SLC7A6: variants seen among roughly 807,000 people sequenced by gnomAD.
SLC7A6 encodes the protein solute carrier family 7 member 6.
In SLC7A6, 29 loss-of-function variants were observed where a neutral mutation model predicts 46.6. The observed-to-expected ratio is 0.62, with a 90% CI of 0.46 to 0.85. The LOEUF (loss-of-function observed/expected upper bound fraction) is 0.85, where lower values mean the gene tolerates loss of function less well. SLC7A6 is among the 40% of genes least tolerant of loss of function. The pLI, the probability that SLC7A6 is intolerant of heterozygous loss-of-function variation, is 0.00. For missense variants in SLC7A6, 527 were observed against 647.6 expected, an observed-to-expected ratio of 0.81 and a Z score of 2.02; for synonymous variants, 276 against 257.3, an observed-to-expected ratio of 1.07 and a Z score of -0.70.
chr16:68,265,927 G>A (rs2042523970), intron 1 of SLC7A6, among the ~76,000 whole-genome samples: 1 of 152,088 alleles, frequency 6.6e-6, no homozygotes, highest in African/African-American at 2.4e-5. Context: ...TGACCTTTGT[G>A]CTTCCTGCTG....
At chr16:68,269,172 T>C (rs1401611337) in intron 2 of SLC7A6, among the ~76,000 whole-genome samples, 1 of 152,228 alleles carries the variant, frequency 6.6e-6, no homozygotes, top group Non-Finnish European at 1.5e-5. Flanking sequence ...CTGTTCAACT[T>C]TTTCAGTAGA....
At chr16:68,278,498 G>A (rs1315688460) in intron 3 of SLC7A6, among the ~76,000 whole-genome samples, 3 of 150,616 alleles carry the variant, frequency 2.0e-5, no homozygotes, top group African/African-American at 4.9e-5. Context: ...CTTGAGATTA[G>A]GGAGTGGTGA....
In SLC7A6 at chr16:68,287,451, C is replaced by T. The variant is rs568486767; in HGVS notation, c.524-295C>T. ...GTGGGAAAGAGTAGGTGAAATCACCCATCCCTGGGCCTGGGGGGAATTCCC... is the reference window on the plus strand; with the variant it reads ...GTGGGAAAGAGTAGGTGAAATCACCTATCCCTGGGCCTGGGGGGAATTCCC... On this transcript the variant is annotated intron_variant, in intron 3 of 10. Transcript: ENST00000219343. 4 of 1,335,006 alleles carry T rather than the reference C, an allele frequency of 3.0e-6. No homozygotes were observed. The African/African-American group carries it at 5.9e-5, about 20-fold the overall frequency. 82.7% of individuals were successfully genotyped at this position (1,335,006 alleles called of 1,614,324 possible).
intron 2 of SLC7A6, among the ~76,000 whole-genome samples, chr16:68,271,600 C>T (rs1278642546): frequency 2.0e-5 from 3 of 152,160 alleles, no homozygotes; most frequent in Non-Finnish European, 4.4e-5. Flanking sequence ...CCACTGTGCC[C>T]TGCCAAGGTG....
At chr16:68,287,236 C>T (rs2042954338) in intron 3 of SLC7A6, 2 of 1,042,536 alleles carry the variant, frequency 1.9e-6, no homozygotes, top group Admixed American at 5.8e-5. Context: ...CCTCAGTTTC[C>T]CAAAGTGCTG....
At chr16:68,269,083 G>A (rs2042582223) in intron 2 of SLC7A6, among the ~76,000 whole-genome samples, 2 of 151,772 alleles carry the variant, frequency 1.3e-5, no homozygotes, top group African/African-American at 4.8e-5. Context: ...TTGATGTTCT[G>A]TTCTATTTTT....
At chr16:68,277,553 C>T (rs1381729423) in intron 3 of SLC7A6, among the ~76,000 whole-genome samples, 6 of 151,752 alleles carry the variant, frequency 4.0e-5, no homozygotes, top group South Asian at 2.1e-4. Context: ...CCTCGTGATC[C>T]GCCCGCCTCG....
Position 68,300,028 on chromosome 16 carries a change from T to C in SLC7A6, c.*2700T>C, listed in dbSNP as rs2043241839. ...GAGGCGGCAAGAAGGTACCTCCCTG[T>C]GTAACTCACCTTCCCCCATGACAGT... On this transcript the variant is annotated 3_prime_UTR_variant, in exon 11 of 11. Transcript: ENST00000219343. 6.6e-6 allele frequency: 1 copy of C among 152,132 alleles called. No individual in the cohort carries two copies. The highest frequency in any genetic ancestry group is 1.5e-5 in the Non-Finnish European group (1 of 68,034). The allele number at this position is 152,132 out of a possible 1,614,324, so 9.4% of individuals were successfully genotyped here.
intron 3 of SLC7A6, among the ~76,000 whole-genome samples, chr16:68,284,991 C>T (rs2042901946): frequency 6.6e-6 from 1 of 151,936 alleles, no homozygotes; most frequent in Non-Finnish European, 1.5e-5. Flanking sequence ...CCACCTCAGC[C>T]TCCCACACAG....
chr16:68,296,556 T>G (rs755934664), intron 9 of SLC7A6, 43 bp downstream of exon 9: 2 of 1,613,814 alleles, frequency 1.2e-6, no homozygotes, highest in Non-Finnish European at 1.7e-6. Context: ...GCCATCTCCC[T>G]AAGGTGGCTT....
chr16:68,296,442 T>C lies in SLC7A6; in HGVS notation c.1198T>C (p.Phe400Leu). The C allele has an allele frequency of 6.2e-7, 1 of 1,614,172 alleles. No homozygotes were observed. Among genetic ancestry groups the C allele is most frequent in the Non-Finnish European group, 8.5e-7 (1 of 1,180,030 alleles). Residue 400 changes from phenylalanine to leucine, a missense_variant, in exon 9 of 11, where the codon TTC becomes CTC. By Grantham distance (22) the Phe-to-Leu change is conservative. Coordinates refer to ENST00000219343, the MANE Select transcript of SLC7A6 (RefSeq NM_003983.6). ...CTACTTCAGCTTCAGCTACTGGTTC[T>C]TCGTGGGCCTGTCTGTTGTTGGACA... ...INYFSFSYWF[F>L]VGLSVVGQLY...
Position 68,275,086 on chromosome 16 carries a change from G to C in SLC7A6, c.360G>C (p.Gly120=), listed in dbSNP as rs775366265. ...ACGCTTATATTCTAGAGGCCTTTGG[G>C]GGCTTCATTGCCTTCATCCGCCTGT... is the stretch of plus-strand genomic sequence containing the variant. ...ASYAYILEAF[G]GFIAFIRLWV... Residue 120 remains glycine (G), a synonymous_variant, in exon 3 of 11, where the codon GGG becomes GGC. Transcript: ENST00000219343. 6.2e-7 allele frequency: 1 copy of C among 1,614,092 alleles called. No individual in the cohort carries two copies. The highest frequency in any genetic ancestry group is 2.2e-5 in the East Asian group (1 of 44,882).
intron 3 of SLC7A6, among the ~76,000 whole-genome samples, chr16:68,281,040 G>C (rs918191389): frequency 2.6e-5 from 4 of 152,208 alleles, no homozygotes; most frequent in African/African-American, 4.8e-5. Context: ...GCCGGCTGTG[G>C]CTCCTTTTAA....
intron 10 of SLC7A6, 21 bp downstream of exon 10, chr16:68,296,831 T>A: frequency 6.2e-7 from 1 of 1,612,886 alleles, no homozygotes; most frequent in Non-Finnish European, 8.5e-7. Context: ...CTGTGCCCCA[T>A]TACTCACTGG....
chr16:68,287,659 G>A, intron 3 of SLC7A6, 87 bp from the exon 4 acceptor site: 1 of 1,557,952 alleles, frequency 6.4e-7, no homozygotes, highest in Non-Finnish European at 8.7e-7. Flanking sequence ...AGGCAGGAAG[G>A]GCAGAAAGAG....
At chr16:68,288,177 C>A (rs774880253) in intron 4 of SLC7A6, among the ~76,000 whole-genome samples, 1 of 152,108 alleles carries the variant, frequency 6.6e-6, no homozygotes, top group Non-Finnish European at 1.5e-5. Flanking sequence ...TAAAAGTAAT[C>A]TGTGGGGATA....
At chr16:68,293,037 C>G (rs536310989) in intron 7 of SLC7A6, among the ~76,000 whole-genome samples, 12 of 152,310 alleles carry the variant, frequency 7.9e-5, no homozygotes, top group Admixed American at 5.9e-4. Context: ...CCCGTTCATT[C>G]TTTTTACTGG....
At position 68,301,463 on chromosome 16, in the gene SLC7A6, GCC is replaced by G; in HGVS notation, c.*4138_*4139del. 1 of 1,500,156 alleles carries G rather than the reference GCC, an allele frequency of 6.7e-7. No homozygotes were observed. 92.9% of individuals were successfully genotyped at this position (1,500,156 alleles called of 1,614,324 possible). A position where few individuals can be genotyped will look rare whatever the true frequency, so the allele number is the denominator to read the frequency against. On this transcript the variant is annotated 3_prime_UTR_variant, in exon 11 of 11. Transcript: ENST00000219343. ...GTGATTTTCCTAGGCTACTGCAGGA[GCC>G]CCTTCTCTTCTCAGAAAGGTCTGTT...
chr16:68,291,934 C>T, intron 7 of SLC7A6: 1 of 382,946 alleles, frequency 2.6e-6, no homozygotes, highest in South Asian at 4.6e-5. Flanking sequence ...TATTTATGTG[C>T]TGGTAGCTCA....
Sources: allele counts gnomAD v4.1 joint callset (sites outside exome capture counted in the v4.1 genomes callset), GRCh38; gene constraint gnomAD v4.1.1; transcripts MANE v1.5; gene names NCBI Gene and HGNC (gene_info 2026-07-23, HGNC 2026-07-21).